The following ADAMTSL1 variants were observed in gnomAD, a reference collection of about 807,000 sequenced individuals.
The protein encoded by ADAMTSL1 is ADAMTS like 1, also known as ADAMTS-like protein 1.
In ADAMTSL1, 126 loss-of-function variants were observed where a neutral mutation model predicts 201.8. The observed-to-expected ratio is 0.62, with a 90% confidence interval of 0.54 to 0.72. ADAMTSL1 has a LOEUF of 0.72. Ranked by LOEUF, ADAMTSL1 falls within the 30% of genes least tolerant of loss-of-function variation. The pLI is 0.00. For synonymous variants in ADAMTSL1, 1,121 were observed against 903.4 expected (o/e 1.24, Z -4.32); for missense variants, 2,679 against 2,277.8 (o/e 1.18, Z -3.59).
At chr9:17,961,044 G>T (rs975685755) in intron 1 of ADAMTSL1, among the ~76,000 whole-genome samples, 13 of 152,128 alleles carry the variant, frequency 8.5e-5, no homozygotes, top group African/African-American at 2.2e-4. Context: ...TAATTTTCCT[G>T]TGTGCCATTT....
At chr9:18,274,262 C>T (rs1296461994) in intron 2 of ADAMTSL1, among the ~76,000 whole-genome samples, 1 of 152,198 alleles carries the variant, frequency 6.6e-6, no homozygotes, top group Non-Finnish European at 1.5e-5. Context: ...TAGGTAATAT[C>T]TAGTGCTCTT....
At chr9:18,902,642 A>G (rs761723252) in intron 26 of ADAMTSL1, among the ~76,000 whole-genome samples, 2 of 152,192 alleles carry the variant, frequency 1.3e-5, no homozygotes, top group Non-Finnish European at 2.9e-5. Context: ...AAATGCTTAC[A>G]TTAAAAAAGA....
At chr9:17,917,571 T>A (rs1388852333) in intron 1 of ADAMTSL1, among the ~76,000 whole-genome samples, 1 of 152,056 alleles carries the variant, frequency 6.6e-6, no homozygotes, top group African/African-American at 2.4e-5. Flanking sequence ...TATTTTTATA[T>A]ATTGTTGGAT....
chr9:18,703,338 T>C (rs1000259375), intron 13 of ADAMTSL1, among the ~76,000 whole-genome samples: 1 of 152,168 alleles, frequency 6.6e-6, no homozygotes. Flanking sequence ...ATCTAGGGAC[T>C]TGGGGAAAAG....
intron 2 of ADAMTSL1, among the ~76,000 whole-genome samples, chr9:18,186,691 T>G (rs920121257): frequency 2.0e-5 from 3 of 152,196 alleles, no homozygotes; most frequent in Non-Finnish European, 2.9e-5. Flanking sequence ...GAGCGGGATC[T>G]CTTTCTGTAA....
chr9:18,104,912 G>T (rs1005846396), intron 1 of ADAMTSL1, among the ~76,000 whole-genome samples: 4 of 152,010 alleles, frequency 2.6e-5, no homozygotes, highest in African/African-American at 9.7e-5. Flanking sequence ...ACTAAGGGTG[G>T]ACTGGAGCAA....
intron 2 of ADAMTSL1, among the ~76,000 whole-genome samples, chr9:18,409,383 CAAAAAAAA>C (rs781106126): frequency 1.3e-5 from 1 of 77,234 alleles, no homozygotes; most frequent in African/African-American, 4.4e-5. Flanking sequence ...AACTCCGTCT[CAAAAAAAA>C]AAAAAAAAAA....
At chr9:18,454,439 C>A (rs1484060806) in intron 2 of ADAMTSL1, among the ~76,000 whole-genome samples, 1 of 152,164 alleles carries the variant, frequency 6.6e-6, no homozygotes, top group Non-Finnish European at 1.5e-5. Flanking sequence ...TCTGGAAACA[C>A]CCTCACAGAC....
In ADAMTSL1 at chr9:18,037,199, C is replaced by A. The variant is rs182711908; in HGVS notation, c.88-126663C>A. On this transcript the variant is annotated intron_variant, in intron 1 of 29. Transcript: ENST00000680146. Reference sequence around the variant, plus strand: ...AACTTCAAGCTAGAGCTGGGAAAATCATGTTGCTAAGGGAAAAATAAGAAT... The same window carrying A: ...AACTTCAAGCTAGAGCTGGGAAAATAATGTTGCTAAGGGAAAAATAAGAAT... 7.2e-5 allele frequency among the ~76,000 whole-genome samples: 11 copies of A among 152,288 alleles called. No homozygotes were observed. The East Asian group carries it at 2.1e-3, about 29-fold the overall frequency.
chr9:18,156,505 G>T (rs1479521923), intron 1 of ADAMTSL1, among the ~76,000 whole-genome samples: 3 of 151,934 alleles, frequency 2.0e-5, no homozygotes, highest in Non-Finnish European at 4.4e-5. Context: ...TGTGTATGTA[G>T]ACATTTTTAT....
rs376879784 is a variant in ADAMTSL1, at chr9:18,889,730, G to A, written c.4625G>A (p.Arg1542Gln). The change falls in exon 25 of 29, where the codon CGG becomes CAG. Residue 1542 changes from arginine (R) to glutamine (Q), a missense_variant. Coordinates refer to ENST00000380548, the MANE Select transcript of ADAMTSL1 (RefSeq NM_001040272.6). Reference sequence around the variant, plus strand: ...GCGGTGCAGCCCATCGCGTGCAACCGGAGAGACTGCCCTTCTCGGTGAGTG... The same window carrying A: ...GCGGTGCAGCCCATCGCGTGCAACCAGAGAGACTGCCCTTCTCGGTGAGTG... ...RPAVQPIACN[R>Q]RDCPSRWMVT... 2.2e-5 allele frequency: 33 copies of A among 1,512,652 alleles called. No homozygotes were observed. Among genetic ancestry groups the A allele is most frequent in the South Asian group, 5.2e-5 (4 of 77,264 alleles). The allele number at this position is 1,512,652 out of a possible 1,614,324, so 93.7% of individuals were successfully genotyped here.
chr9:18,159,100 A>C (rs562202326), intron 1 of ADAMTSL1, among the ~76,000 whole-genome samples: 1 of 152,064 alleles, frequency 6.6e-6, no homozygotes, highest in Non-Finnish European at 1.5e-5. Flanking sequence ...ATAGGTGTAC[A>C]TTCAAATAAT....
intron 2 of ADAMTSL1, among the ~76,000 whole-genome samples, chr9:18,405,883 T>C (rs1023330999): frequency 1.3e-5 from 2 of 152,210 alleles, no homozygotes; most frequent in Middle Eastern, 3.2e-3. Flanking sequence ...TCTATTTCTT[T>C]TTTTAAAAAA....
At position 18,759,521 on chromosome 9, in the gene ADAMTSL1, T is replaced by C. The variant is rs114525171; in HGVS notation, c.2217+6013T>C. Among the ~76,000 whole-genome samples the C allele has an allele frequency of 5.8e-3, 890 of 152,352 alleles. 6 individuals are homozygous for C. The highest frequency in any genetic ancestry group is 0.02 in the African/African-American group (850 of 41,578). ...ACATAAGTTAGAGGCTATATTTATT[T>C]AAAATTTTCTGTCCCAGGGAGGAAA... On this transcript the variant is annotated intron_variant, in intron 16 of 28. Transcript: ENST00000380548.
In ADAMTSL1 at chr9:18,503,440, T is replaced by TATATATATATATATATATATATAC. The variant is rs1304107760; in HGVS notation, c.64-1388_64-1387insTATATATATATATATATATATACA. Among the ~76,000 whole-genome samples, 61 of 148,308 alleles carry TATATATATATATATATATATATAC rather than the reference T, an allele frequency of 4.1e-4. 3 individuals are homozygous for TATATATATATATATATATATATAC. The East Asian group carries it at 6.0e-3, about 15-fold the overall frequency. On this transcript the variant is annotated intron_variant, in intron 1 of 28. Coordinates refer to ENST00000380548, the MANE Select transcript of ADAMTSL1 (RefSeq NM_001040272.6). ...CATTGTGTATATATATATATATATA[T>TATATATATATATATATATATATAC]ACCACATTTTGTTTACATATTCATC...
chr9:18,792,566 G>T (rs576106288), intron 19 of ADAMTSL1, among the ~76,000 whole-genome samples: 2 of 152,300 alleles, frequency 1.3e-5, no homozygotes, highest in East Asian at 3.9e-4. Context: ...GCCATGTGGT[G>T]AAATTGAATA....
intron 1 of ADAMTSL1, among the ~76,000 whole-genome samples, chr9:18,050,908 A>G (rs1821903161): frequency 6.6e-6 from 1 of 152,192 alleles, no homozygotes; most frequent in Admixed American, 6.5e-5. Flanking sequence ...TTGCATGTCA[A>G]TTGGATTGTG....
rs1199816531 is a variant in ADAMTSL1, at chr9:18,168,812, G to A, written c.207+4831G>A. ...GTTGTTTCCTGACTTTTTAATGATC[G>A]CCATTCTAACTGGTGTGAGATGGTA... On this transcript the variant is annotated intron_variant, in intron 2 of 29. Coordinates refer to the ADAMTSL1 transcript ENST00000680146. 5.3e-3 allele frequency among the ~76,000 whole-genome samples: 771 copies of A among 146,638 alleles called. 3 individuals are homozygous for A. Among genetic ancestry groups the A allele is most frequent in the African/African-American group, 0.018 (736 of 40,106 alleles).
chr9:18,836,342 T>C (rs549723865), intron 23 of ADAMTSL1, among the ~76,000 whole-genome samples: 1 of 152,296 alleles, frequency 6.6e-6, no homozygotes, highest in South Asian at 2.1e-4. Flanking sequence ...CTCTGTTGGA[T>C]ACATAGTTTT....
Sources: gnomAD v4.1 joint callset for allele counts (sites outside exome capture counted in the v4.1 genomes callset) on GRCh38, gnomAD v4.1.1 for gene constraint, MANE v1.5 for transcripts, NCBI Gene and HGNC (gene_info 2026-07-23, HGNC 2026-07-21) for gene names.